The following INSL3 variants were observed in gnomAD, a reference collection of about 807,000 sequenced individuals.
The protein encoded by INSL3 is insulin like 3, also known as insulin-like 3.
A neutral mutation model predicts 5.5 loss-of-function variants in INSL3; 6 were observed. The observed-to-expected ratio is 1.08, with a 90% CI of 0.59 to 2.14. The LOEUF is 2.14. INSL3 is among the 30% of genes most tolerant of loss of function. The probability of loss-of-function intolerance (pLI) is 0.00; values close to 1 mark genes in which losing one functional copy is unlikely to be tolerated. For synonymous variants in INSL3, 86 were observed against 82.1 expected, an observed-to-expected ratio of 1.05 and a Z score of -0.26; for missense variants, 178 against 184.7, an observed-to-expected ratio of 0.96 and a Z score of 0.21.
At position 17,818,797 on chromosome 19, in the gene INSL3, G is replaced by C. The variant is rs548005243; in HGVS notation, c.191-1738C>G. On this transcript the variant is annotated intron_variant, in intron 1 of 1. Coordinates refer to ENST00000317306, the MANE Select transcript of INSL3 (RefSeq NM_005543.4). The stretch of plus-strand genomic sequence containing the variant: ...GTGTGAGGCTATTCATGGCATTAGG[G>C]GGCAGAAGACAGAGATGTTATCTAA... Among the ~76,000 whole-genome samples the C allele has an allele frequency of 1.7e-4, 26 of 152,016 alleles. 1 individual carries two copies. In the South Asian group the frequency reaches 5.0e-3, roughly 29 times the overall value.
chr19:17,819,840 T>TCAAAACAAAA (rs368680133), intron 1 of INSL3, among the ~76,000 whole-genome samples: 69 of 149,690 alleles, frequency 4.6e-4, no homozygotes, highest in African/African-American at 1.5e-3. Context: ...AGACTCAATG[T>TCAAAACAAAA]CAAAACAAAA....
intron 1 of INSL3, among the ~76,000 whole-genome samples, chr19:17,820,738 A>G (rs557390095): frequency 3.9e-5 from 6 of 152,130 alleles, no homozygotes; most frequent in Admixed American, 2.0e-4. Flanking sequence ...GGATCTCACC[A>G]TGTACTTGCA....
rs2094195079 is a variant in INSL3, at chr19:17,821,245, G to T, written c.190+72C>A. On this transcript the variant is annotated intron_variant, in intron 1 of 1. Coordinates refer to ENST00000317306, the MANE Select transcript of INSL3 (RefSeq NM_005543.4). Reference sequence around the variant, plus strand: ...CAAACCTGCCCACCTCCCTGCACGTGTGCATCTGCGCCTACGTGCACCTGC... The same window carrying T: ...CAAACCTGCCCACCTCCCTGCACGTTTGCATCTGCGCCTACGTGCACCTGC... 6.7e-6 allele frequency: 10 copies of T among 1,486,526 alleles called. No homozygotes were observed. In the South Asian group the frequency reaches 1.1e-4, roughly 16 times the overall value. The allele number at this position is 1,486,526 out of a possible 1,614,324, so 92.1% of individuals were successfully genotyped here.
At position 17,821,473 on chromosome 19, in the gene INSL3, G is replaced by C. The variant is rs1159124221; in HGVS notation, c.34C>G (p.Leu12Val). The change falls in exon 1 of 2, where the codon CTG (leucine) becomes GTG (valine). Residue 12 changes from leucine to valine, a missense_variant. Physicochemically the swap from Leu to Val is conservative, Grantham distance 32. Coordinates refer to ENST00000317306, the MANE Select transcript of INSL3 (RefSeq NM_005543.4). Reference sequence around the variant, plus strand: ...GCGAACACCAGGGCAGGGCCCAGCAGCACCAGCGCCCAGGCGGGCAGACGG... The same window carrying C: ...GCGAACACCAGGGCAGGGCCCAGCACCACCAGCGCCCAGGCGGGCAGACGG... Reference protein sequence around the residue: ...DPRLPAWALVLLGPALVFALG... With the variant: ...DPRLPAWALVVLGPALVFALG... 3 of 1,517,704 alleles carry C rather than the reference G, an allele frequency of 2.0e-6. No homozygotes were observed. In the East Asian group the frequency reaches 7.4e-5, roughly 38 times the overall value. The allele number at this position is 1,517,704 out of a possible 1,614,324, so 94.0% of individuals were successfully genotyped here. A position where few individuals can be genotyped will look rare whatever the true frequency, so the allele number is the denominator to read the frequency against.
intron 1 of INSL3, among the ~76,000 whole-genome samples, chr19:17,817,656 G>A (rs1420255509): frequency 4.0e-5 from 6 of 151,270 alleles, no homozygotes; most frequent in South Asian, 2.1e-4. Flanking sequence ...TTAGTCAGGC[G>A]TGGTGGTGGA....
At position 17,816,784 on chromosome 19, in the gene INSL3, T is replaced by C. The variant is rs934690119; in HGVS notation, c.*70A>G. The C allele has an allele frequency of 2.6e-5, 38 of 1,449,922 alleles. No individual in the cohort carries two copies. Among genetic ancestry groups the C allele is most frequent in the Non-Finnish European group, 3.7e-5 (38 of 1,036,180 alleles). The allele number at this position is 1,449,922 out of a possible 1,614,324, so 89.8% of individuals were successfully genotyped here. A position where few individuals can be genotyped will look rare whatever the true frequency, so the allele number is the denominator to read the frequency against. On this transcript the variant is annotated 3_prime_UTR_variant, in exon 2 of 2. Transcript: ENST00000317306. ...AGATGCGAGACTTTATGGTGCTGTG[T>C]GGCCTCAGGAGCTCACCAGACCAGA...
chr19:17,816,696 G>C lies in INSL3; in HGVS notation c.*158C>G, dbSNP rs552521847. 1 of 677,282 alleles carries C rather than the reference G, an allele frequency of 1.5e-6. No homozygotes were observed. The highest frequency in any genetic ancestry group is 2.7e-5 in the East Asian group (1 of 36,624). 42.0% of individuals were successfully genotyped at this position (677,282 alleles called of 1,614,324 possible). On this transcript the variant is annotated 3_prime_UTR_variant, in exon 2 of 2. Transcript: ENST00000317306. Reference sequence around the variant, plus strand: ...TATTCTGCAGTTGACTCCACAGGCTGCAGGTGGCATTGGTCTGGGGTAGAT... The same window carrying C: ...TATTCTGCAGTTGACTCCACAGGCTCCAGGTGGCATTGGTCTGGGGTAGAT...
In INSL3 at chr19:17,816,943, G is replaced by T; in HGVS notation, c.307C>A (p.His103Asn). ...PLPQTSHHHR[H>N]HRAAATNPAR... ...GGGTTGGTGGCAGCTGCACGGTGGT[G>T]GCGGTGATGGTGAGAGGTCTGGGGC... The change falls in exon 2 of 2, where the codon CAC becomes AAC. Residue 103 changes from histidine (H) to asparagine (N), a missense_variant. Transcript: ENST00000317306. 1.2e-6 allele frequency: 2 copies of T among 1,614,138 alleles called. No homozygotes were observed. The highest frequency in any genetic ancestry group is 1.7e-6 in the Non-Finnish European group (2 of 1,180,022).
chr19:17,819,236 AAT>A (rs935714778), intron 1 of INSL3, among the ~76,000 whole-genome samples: 9 of 147,860 alleles, frequency 6.1e-5, no homozygotes, highest in African/African-American at 1.7e-4. Flanking sequence ...CCTGTCTCAA[AAT>A]ATATATATAT....
At chr19:17,818,280 G>A (rs2094190770) in intron 1 of INSL3, among the ~76,000 whole-genome samples, 1 of 152,094 alleles carries the variant, frequency 6.6e-6, no homozygotes. Context: ...CTGCACCAGG[G>A]CCAGGACTAG....
rs2094195796 is a variant in INSL3, at chr19:17,821,468, C to A, written c.39G>T (p.Leu13=). ...CCAACGCGAACACCAGGGCAGGGCC[C>A]AGCAGCACCAGCGCCCAGGCGGGCA... ...PRLPAWALVL[L]GPALVFALGP... Residue 13 remains leucine, a synonymous_variant, in exon 1 of 2, where the codon CTG becomes CTT. Coordinates refer to ENST00000317306, the MANE Select transcript of INSL3 (RefSeq NM_005543.4). The A allele has an allele frequency of 6.6e-7, 1 of 1,521,026 alleles. No individual in the cohort carries two copies. Among genetic ancestry groups the A allele is most frequent in the Middle Eastern group, 1.8e-4 (1 of 5,694 alleles). 94.2% of individuals were successfully genotyped at this position (1,521,026 alleles called of 1,614,324 possible).
At chr19:17,817,963 G>C (rs2094190361) in intron 1 of INSL3, among the ~76,000 whole-genome samples, 2 of 151,988 alleles carry the variant, frequency 1.3e-5, no homozygotes, top group South Asian at 4.2e-4. Flanking sequence ...GGAGTGTCGG[G>C]GGTCTTGGAG....
At position 17,816,757 on chromosome 19, in the gene INSL3, G is replaced by T; in HGVS notation, c.*97C>A. The T allele has an allele frequency of 8.3e-7, 1 of 1,205,206 alleles. No homozygotes were observed. The highest frequency in any genetic ancestry group is 1.2e-6 in the Non-Finnish European group (1 of 826,160). The allele number at this position is 1,205,206 out of a possible 1,614,324, so 74.7% of individuals were successfully genotyped here. On this transcript the variant is annotated 3_prime_UTR_variant, in exon 2 of 2. Coordinates refer to ENST00000317306, the MANE Select transcript of INSL3 (RefSeq NM_005543.4). ...CATCCCAGGAGGTAATCAAAGGCCTGTAGATGCGAGACTTTATGGTGCTGT... is the reference window on the plus strand; with the variant it reads ...CATCCCAGGAGGTAATCAAAGGCCTTTAGATGCGAGACTTTATGGTGCTGT...
At position 17,821,359 on chromosome 19, in the gene INSL3, G is replaced by A. The variant is rs1423902478; in HGVS notation, c.148C>T (p.Arg50Cys). Residue 50 changes from arginine (R) to cysteine (C), a missense_variant, in exon 1 of 2, where the codon CGC becomes TGC. By Grantham distance (180) the Arg-to-Cys change is radical. Coordinates refer to ENST00000317306, the MANE Select transcript of INSL3 (RefSeq NM_005543.4). ...RALVRVCGGPRWSTEARRPAT... is the reference protein window; with the variant it reads ...RALVRVCGGPCWSTEARRPAT... ...GGCCTCCTGGCTTCGGTGGACCAGC[G>A]GGGGCCCCCGCACACGCGCACTAGC... The A allele has an allele frequency of 1.9e-6, 3 of 1,547,896 alleles. No individual in the cohort carries two copies. In the South Asian group the frequency reaches 3.6e-5, roughly 18 times the overall value.
chr19:17,817,141 C>T (rs371608948), intron 1 of INSL3, 82 bp from the exon 2 acceptor site: 4 of 1,335,390 alleles, frequency 3.0e-6, no homozygotes, highest in South Asian at 2.5e-5. Context: ...AATCCACACA[C>T]ATCCCACTGA....
Position 17,821,501 on chromosome 19 carries a change from G to A in INSL3, c.6C>T (p.Asp2=), listed in dbSNP as rs1379263286. 2.7e-6 allele frequency: 4 copies of A among 1,486,326 alleles called. No homozygotes were observed. Among genetic ancestry groups the A allele is most frequent in the Non-Finnish European group, 3.6e-6 (4 of 1,115,214 alleles). 92.1% of individuals were successfully genotyped at this position (1,486,326 alleles called of 1,614,324 possible). A position where few individuals can be genotyped will look rare whatever the true frequency, so the allele number is the denominator to read the frequency against. Residue 2 remains aspartate, a synonymous_variant, in exon 1 of 2, where the codon GAC becomes GAT. Transcript: ENST00000317306. The part of the protein sequence containing the change: M[D]PRLPAWALVL... ...CCAGCGCCCAGGCGGGCAGACGGGG[G>A]TCCATGGTGGTGGGTGGCGCCGGGG...
rs1358402529 is a variant in INSL3, at chr19:17,821,419, G to A, written c.88C>T (p.Arg30Cys). The A allele has an allele frequency of 6.5e-7, 1 of 1,547,860 alleles. No homozygotes were observed. Among genetic ancestry groups the A allele is most frequent in the Non-Finnish European group, 8.7e-7 (1 of 1,145,434 alleles). ...AAGTGGTGGCCGCACAACTTCTCAC[G>A]CATCTCTGGGGTGGGCGCGGGGCCC... ...ALGPAPTPEM[R>C]EKLCGHHFVR... Residue 30 changes from arginine (R) to cysteine (C), a missense_variant, in exon 1 of 2, where the codon CGT becomes TGT. Transcript: ENST00000317306.
intron 1 of INSL3, among the ~76,000 whole-genome samples, chr19:17,817,994 C>T (rs1025295831): frequency 7.9e-5 from 12 of 151,860 alleles, no homozygotes; most frequent in African/African-American, 2.9e-4. Context: ...TGTCAGTTTC[C>T]CCAACAGGTC....
In INSL3 at chr19:17,816,759, A is replaced by T; in HGVS notation, c.*95T>A. The T allele has an allele frequency of 1.6e-6, 2 of 1,214,678 alleles. No individual in the cohort carries two copies. Among genetic ancestry groups the T allele is most frequent in the Non-Finnish European group, 2.4e-6 (2 of 833,038 alleles). 75.2% of individuals were successfully genotyped at this position (1,214,678 alleles called of 1,614,324 possible). ...TCCCAGGAGGTAATCAAAGGCCTGTAGATGCGAGACTTTATGGTGCTGTGT... is the reference window on the plus strand; with the variant it reads ...TCCCAGGAGGTAATCAAAGGCCTGTTGATGCGAGACTTTATGGTGCTGTGT... On this transcript the variant is annotated 3_prime_UTR_variant, in exon 2 of 2. Transcript: ENST00000317306.
Sources: allele counts gnomAD v4.1 joint callset (sites outside exome capture counted in the v4.1 genomes callset), GRCh38; gene constraint gnomAD v4.1.1; transcripts MANE v1.5; gene names NCBI Gene and HGNC (gene_info 2026-07-23, HGNC 2026-07-21).